The following FSTL5 variants were observed in gnomAD, a reference collection of about 807,000 sequenced individuals.
FSTL5 encodes the protein follistatin-related protein 5.
Under a neutral mutation model 89.1 loss-of-function variants are expected in FSTL5, and 62 were observed. That is an observed-to-expected ratio of 0.70 (90% CI 0.57 to 0.86). The LOEUF is 0.86. Ranked by LOEUF, FSTL5 falls within the 40% of genes least tolerant of loss-of-function variation. FSTL5 has a pLI of 0.00. For synonymous variants in FSTL5, 383 were observed against 346.2 expected (o/e 1.11, Z -1.18); for missense variants, 1,057 against 1,001.6 (o/e 1.06, Z -0.75).
intron 7 of FSTL5, among the ~76,000 whole-genome samples, chr4:161,644,620 A>G (rs1442805944): frequency 3.9e-5 from 6 of 152,208 alleles, no homozygotes; most frequent in Non-Finnish European, 8.8e-5. Context: ...ACATGGGAGA[A>G]TAGTAGGAAG....
chr4:161,461,490 A>G (rs13120240), intron 13 of FSTL5, among the ~76,000 whole-genome samples: 11 of 129,040 alleles, frequency 8.5e-5, no homozygotes, highest in Admixed American at 2.4e-4. Flanking sequence ...AAAAAAAAAA[A>G]GAGGAAAACC....
intron 13 of FSTL5, among the ~76,000 whole-genome samples, 174 bp downstream of exon 13, chr4:161,480,844 TCA>T (rs3839156): frequency 0.089 from 13,530 of 152,198 alleles, 833 homozygotes; most frequent in South Asian, 0.21. Flanking sequence ...TCTCCTGAAT[TCA>T]TTAGGCTTAA....
chr4:161,498,603 CAT>C (rs1578879483), intron 12 of FSTL5, among the ~76,000 whole-genome samples: 1 of 152,234 alleles, frequency 6.6e-6, no homozygotes, highest in East Asian at 1.9e-4. Flanking sequence ...ATAGCCAAGA[CAT>C]GTGTGTCGTT....
chr4:161,721,752 A>G (rs535719555), intron 6 of FSTL5, among the ~76,000 whole-genome samples: 2 of 152,358 alleles, frequency 1.3e-5, no homozygotes, highest in South Asian at 2.1e-4. Context: ...AGAAAAAATT[A>G]AAGTCACCGT....
At chr4:162,033,592 T>C (rs200627736) in intron 3 of FSTL5, 33 bp downstream of exon 3, 176 of 1,194,096 alleles carry the variant, frequency 1.5e-4, no homozygotes, top group Non-Finnish European at 1.7e-4. Context: ...TATGAACTTA[T>C]ATAATTGTTA....
chr4:161,513,996 G>T (rs1409277722), intron 10 of FSTL5, among the ~76,000 whole-genome samples: 3 of 152,056 alleles, frequency 2.0e-5, no homozygotes, highest in Non-Finnish European at 4.4e-5. Flanking sequence ...TTAACAAAAA[G>T]AAATTAATTT....
At chr4:161,885,880 G>C (rs1466409014) in intron 4 of FSTL5, among the ~76,000 whole-genome samples, 1 of 152,022 alleles carries the variant, frequency 6.6e-6, no homozygotes, top group Non-Finnish European at 1.5e-5. Context: ...TGGTTAGATA[G>C]ACAACTGGCA....
At chr4:161,537,471 T>C (rs1220599666) in intron 10 of FSTL5, among the ~76,000 whole-genome samples, 1 of 152,178 alleles carries the variant, frequency 6.6e-6, no homozygotes. Flanking sequence ...AATAGTAGTT[T>C]GAGTTCCAAA....
In FSTL5 at chr4:161,386,053, T is replaced by C. The variant is rs960689669; in HGVS notation, c.2238A>G (p.Pro746=). 4.3e-6 allele frequency: 7 copies of C among 1,613,954 alleles called. No homozygotes were observed. The highest frequency in any genetic ancestry group is 5.1e-6 in the Non-Finnish European group (6 of 1,180,000). The change falls in exon 16 of 16, where the codon CCA becomes CCG. Residue 746 remains proline, a synonymous_variant. Coordinates refer to ENST00000306100, the MANE Select transcript of FSTL5 (RefSeq NM_020116.5). ...NLHISDLAFQ[P]SFTEAHQYNI... Reference sequence around the variant, plus strand: ...TATATTGGTGGGCTTCAGTAAAGGATGGTTGAAATGCCAGATCAGATATGT... The same window carrying C: ...TATATTGGTGGGCTTCAGTAAAGGACGGTTGAAATGCCAGATCAGATATGT...
intron 7 of FSTL5, among the ~76,000 whole-genome samples, chr4:161,611,508 A>G (rs1020950084): frequency 6.6e-6 from 1 of 151,988 alleles, no homozygotes; most frequent in Non-Finnish European, 1.5e-5. Context: ...TCATTTATGC[A>G]TGAAGTTTTA....
chr4:161,537,934 T>C (rs539392046), intron 10 of FSTL5, among the ~76,000 whole-genome samples: 48 of 152,216 alleles, frequency 3.2e-4, no homozygotes, highest in Non-Finnish European at 6.3e-4. Context: ...ACACCATATG[T>C]ACACTTGCAA....
At chr4:161,549,172 A>ATCTC (rs1732111987) in intron 8 of FSTL5, among the ~76,000 whole-genome samples, 1 of 151,822 alleles carries the variant, frequency 6.6e-6, no homozygotes, top group Non-Finnish European at 1.5e-5. Flanking sequence ...GAGACAAATG[A>ATCTC]AGATTTGGGG....
intron 13 of FSTL5, among the ~76,000 whole-genome samples, chr4:161,461,227 C>A (rs1344758917): frequency 6.7e-6 from 1 of 148,602 alleles, no homozygotes; most frequent in Non-Finnish European, 1.5e-5. Flanking sequence ...GAGGCTGAGG[C>A]AGGCGGATCA....
chr4:161,623,465 T>C (rs1735211565), intron 7 of FSTL5, among the ~76,000 whole-genome samples: 1 of 152,008 alleles, frequency 6.6e-6, no homozygotes, highest in Non-Finnish European at 1.5e-5. Flanking sequence ...TCAAATATTT[T>C]ATGATTATTG....
intron 8 of FSTL5, among the ~76,000 whole-genome samples, chr4:161,572,191 C>G (rs1733039496): frequency 6.6e-6 from 1 of 151,686 alleles, no homozygotes; most frequent in South Asian, 2.1e-4. Flanking sequence ...TGTTGACAGG[C>G]ACCTGTAATC....
At chr4:161,712,321 AT>A (rs1448398210) in intron 6 of FSTL5, among the ~76,000 whole-genome samples, 2 of 152,152 alleles carry the variant, frequency 1.3e-5, no homozygotes, top group African/African-American at 4.8e-5. Flanking sequence ...AAAAGAATAA[AT>A]AACATAGAGA....
intron 4 of FSTL5, among the ~76,000 whole-genome samples, chr4:161,873,860 A>G (rs187641097): frequency 2.8e-4 from 43 of 151,984 alleles, no homozygotes; most frequent in Admixed American, 2.7e-3. Context: ...CATTTATTGA[A>G]TGTGGCTATA....
At chr4:161,502,344 A>G (rs1730321485) in intron 11 of FSTL5, among the ~76,000 whole-genome samples, 1 of 151,902 alleles carries the variant, frequency 6.6e-6, no homozygotes, top group Non-Finnish European at 1.5e-5. Flanking sequence ...TCTAGAGCAT[A>G]TTTTCTTGTC....
chr4:161,499,251 A>G (rs112303997), intron 12 of FSTL5, among the ~76,000 whole-genome samples: 2,582 of 152,242 alleles, frequency 0.017, 67 homozygotes, highest in African/African-American at 0.058. Context: ...AAGATTTTTT[A>G]CATGTATAAT....
Sources: allele counts gnomAD v4.1 joint callset (sites outside exome capture counted in the v4.1 genomes callset), GRCh38; gene constraint gnomAD v4.1.1; transcripts MANE v1.5; gene names NCBI Gene and HGNC (gene_info 2026-07-23, HGNC 2026-07-21).